The following REST variants were observed in gnomAD, a reference collection of about 807,000 sequenced individuals.
The protein encoded by REST is RE1-silencing transcription factor.
A neutral mutation model predicts 30.4 loss-of-function variants in REST; 1 was observed. The observed-to-expected ratio is 0.03, with a 90% CI of 0.01 to 0.16. The LOEUF is 0.16. Ranked by LOEUF, REST falls within the 10% of genes least tolerant of loss-of-function variation. The probability of loss-of-function intolerance (pLI) is 1.00; values close to 1 mark genes in which losing one functional copy is unlikely to be tolerated. For missense variants in REST, 1,259 were observed against 1,329.5 expected, an observed-to-expected ratio of 0.95 and a Z score of 0.82; for synonymous variants, 504 against 451.1, an observed-to-expected ratio of 1.12 and a Z score of -1.49.
At chr4:56,915,446 C>T (rs1720152146) in intron 2 of REST, among the ~76,000 whole-genome samples, 1 of 151,776 alleles carries the variant, frequency 6.6e-6, no homozygotes, top group South Asian at 2.1e-4. Flanking sequence ...GACAGCGTTT[C>T]ACCATGTTGG....
chr4:56,914,004 C>T (rs1720054859), intron 2 of REST, among the ~76,000 whole-genome samples: 1 of 151,634 alleles, frequency 6.6e-6, no homozygotes, highest in Admixed American at 6.6e-5. Context: ...GGCGAGATCA[C>T]TGCTCACTGC....
chr4:56,907,996 C>T lies in REST; in HGVS notation c.-227C>T, dbSNP rs1288685642. On this transcript the variant is annotated 5_prime_UTR_variant, in exon 1 of 4. Coordinates refer to ENST00000309042, the MANE Select transcript of REST (RefSeq NM_005612.5). The stretch of plus-strand genomic sequence containing the variant: ...CCGCCGAGGCCCGGGGCCCCAGACC[C>T]TGGCGGCGGCTGCCGCAGCCGAGAC... 1.9e-5 allele frequency: 7 copies of T among 370,508 alleles called. No homozygotes were observed. The Admixed American group carries it at 2.3e-4, about 12-fold the overall frequency. 23.0% of individuals were successfully genotyped at this position (370,508 alleles called of 1,614,324 possible).
Position 56,933,708 on chromosome 4 carries a change from A to C in REST, c.*1556A>C, listed in dbSNP as rs1444938813. 6.6e-6 allele frequency: 1 copy of C among 152,228 alleles called. No homozygotes were observed. Among genetic ancestry groups the C allele is most frequent in the Non-Finnish European group, 1.5e-5 (1 of 68,028 alleles). 9.4% of individuals were successfully genotyped at this position (152,228 alleles called of 1,614,324 possible). A position where few individuals can be genotyped will look rare whatever the true frequency, so the allele number is the denominator to read the frequency against. On this transcript the variant is annotated 3_prime_UTR_variant, in exon 4 of 4. Coordinates refer to ENST00000309042, the MANE Select transcript of REST (RefSeq NM_005612.5). Reference sequence around the variant, plus strand: ...AAACATTTTTGTAGGTTCTTTGGCCAGTTGCCAAAGAGTGTGAAAGAATCC... The same window carrying C: ...AAACATTTTTGTAGGTTCTTTGGCCCGTTGCCAAAGAGTGTGAAAGAATCC...
intron 3 of REST, among the ~76,000 whole-genome samples, chr4:56,925,930 CAG>C (rs529410475): frequency 8.5e-4 from 130 of 152,216 alleles, no homozygotes; most frequent in African/African-American, 2.9e-3. Flanking sequence ...CCTTATTCAT[CAG>C]AGTTATAAAA....
Position 56,911,126 on chromosome 4 carries a change from C to A in REST, c.488C>A (p.Pro163Gln). ...SSKTKPFRCK[P>Q]CQYEAESEEQ... ...AAGACCAAACCCTTTCGCTGTAAGC[C>A]ATGCCAATATGAAGCAGAATCTGAA... is the stretch of plus-strand genomic sequence containing the variant. The change falls in exon 2 of 4, where the codon CCA becomes CAA. Residue 163 changes from proline to glutamine, a missense_variant. This residue lies in a region of REST where 249 missense variants were observed against 251.5 expected (regional missense o/e 0.99). Transcript: ENST00000309042. The A allele has an allele frequency of 6.2e-7, 1 of 1,614,200 alleles. No individual in the cohort carries two copies.
At chr4:56,928,146 C>T (rs1271121391) in intron 3 of REST, among the ~76,000 whole-genome samples, 5 of 152,108 alleles carry the variant, frequency 3.3e-5, no homozygotes, top group East Asian at 3.9e-4. Context: ...TCGCTCTTGT[C>T]GCCCAGGCTG....
At chr4:56,917,355 C>T (rs539883664) in intron 2 of REST, among the ~76,000 whole-genome samples, 10 of 152,252 alleles carry the variant, frequency 6.6e-5, no homozygotes, top group South Asian at 4.1e-4. Flanking sequence ...GACAGGGTCT[C>T]GCTCTGTTGC....
chr4:56,922,071 T>C (rs1012066594), intron 3 of REST, among the ~76,000 whole-genome samples: 1 of 152,168 alleles, frequency 6.6e-6, no homozygotes, highest in Non-Finnish European at 1.5e-5. Context: ...TACGTGCTTG[T>C]CACGCTAATG....
intron 2 of REST, among the ~76,000 whole-genome samples, chr4:56,915,176 G>A (rs1233258005): frequency 2.0e-5 from 3 of 149,074 alleles, no homozygotes; most frequent in Non-Finnish European, 1.5e-5. Flanking sequence ...ACCCGCCGCG[G>A]CCTCCCAAAG....
intron 2 of REST, 176 bp downstream of exon 2, chr4:56,911,712 T>A: frequency 1.7e-6 from 1 of 597,698 alleles, no homozygotes; most frequent in Non-Finnish European, 3.0e-6. Context: ...CTCCATGGAG[T>A]AACAATATCT....
At chr4:56,920,952 G>A (rs995284244) in intron 3 of REST, among the ~76,000 whole-genome samples, 1 of 151,948 alleles carries the variant, frequency 6.6e-6, no homozygotes, top group Admixed American at 6.6e-5. Context: ...CGCAACCTCC[G>A]CTTCCCAGGT....
In REST at chr4:56,907,958, A is replaced by C. The variant is rs1381876836; in HGVS notation, c.-265A>C. 3.0e-6 allele frequency: 1 copy of C among 334,752 alleles called. No individual in the cohort carries two copies. Among genetic ancestry groups the C allele is most frequent in the Non-Finnish European group, 5.4e-6 (1 of 186,252 alleles). 20.7% of individuals were successfully genotyped at this position (334,752 alleles called of 1,614,324 possible). On this transcript the variant is annotated 5_prime_UTR_variant, in exon 1 of 4. Coordinates refer to ENST00000309042, the MANE Select transcript of REST (RefSeq NM_005612.5). The stretch of plus-strand genomic sequence containing the variant: ...GGCTGCCGCGAGCTCGCGGCGCAGC[A>C]GCGGAGCGAGCGCCGCCGAGGCCCG...
intron 3 of REST, among the ~76,000 whole-genome samples, chr4:56,922,989 T>C (rs1720524628): frequency 1.3e-5 from 2 of 152,262 alleles, no homozygotes; most frequent in African/African-American, 4.8e-5. Flanking sequence ...TTTAAATGTT[T>C]ATGGTGTTTT....
At chr4:56,915,566 A>C (rs1389788516) in intron 2 of REST, among the ~76,000 whole-genome samples, 3 of 152,116 alleles carry the variant, frequency 2.0e-5, no homozygotes, top group Non-Finnish European at 4.4e-5. Flanking sequence ...ATTTTAAAAC[A>C]ATTTGGTGAT....
At chr4:56,909,134 G>A (rs1285550262) in intron 1 of REST, 1 of 152,462 alleles carries the variant, frequency 6.6e-6, no homozygotes, top group Non-Finnish European at 1.5e-5. Context: ...ACAGCGCCTC[G>A]AGCTTGATCC....
Position 56,934,048 on chromosome 4 carries a change from T to C in REST, c.*1896T>C, listed in dbSNP as rs1405638523. On this transcript the variant is annotated 3_prime_UTR_variant, in exon 4 of 4. Transcript: ENST00000309042. ...GATTTAAAGAAGCGGAAGATTCTTCTCTTAAGACATGAGGAGTAAGTTGTG... is the reference window on the plus strand; with the variant it reads ...GATTTAAAGAAGCGGAAGATTCTTCCCTTAAGACATGAGGAGTAAGTTGTG... 1.3e-5 allele frequency: 2 copies of C among 152,118 alleles called. No individual in the cohort carries two copies. The highest frequency in any genetic ancestry group is 4.8e-5 in the African/African-American group (2 of 41,428). The allele number at this position is 152,118 out of a possible 1,614,324, so 9.4% of individuals were successfully genotyped here. A position where few individuals can be genotyped will look rare whatever the true frequency, so the allele number is the denominator to read the frequency against.
At chr4:56,924,832 T>C (rs1720610390) in intron 3 of REST, among the ~76,000 whole-genome samples, 1 of 152,184 alleles carries the variant, frequency 6.6e-6, no homozygotes, top group Non-Finnish European at 1.5e-5. Flanking sequence ...ATTTTATTGC[T>C]GGTAATGTAT....
At position 56,930,400 on chromosome 4, in the gene REST, T is replaced by G. The variant is rs748046758; in HGVS notation, c.1542T>G (p.Ser514Arg). ...VHTGSNSEKF[S>R]KTKKSKRKLE... ...CAGGAAGCAATTCAGAAAAATTCAG[T>G]AAAACTAAGAAAAGCAAAAGGAAGC... The change falls in exon 4 of 4, where the codon AGT becomes AGG. Residue 514 changes from serine to arginine, a missense_variant. Around this residue, in one of 5 missense-constraint regions of REST, gnomAD observed 856 missense variants for 772.8 expected, o/e 1.11. Transcript: ENST00000309042. 10 of 1,613,486 alleles carry G rather than the reference T, an allele frequency of 6.2e-6. No individual in the cohort carries two copies. Among genetic ancestry groups the G allele is most frequent in the Non-Finnish European group, 8.5e-6 (10 of 1,179,924 alleles).
At chr4:56,914,653 A>G (rs1362534914) in intron 2 of REST, among the ~76,000 whole-genome samples, 1 of 152,166 alleles carries the variant, frequency 6.6e-6, no homozygotes, top group Admixed American at 6.5e-5. Context: ...ATATATACTA[A>G]ACTCATAAAT....
Sources: gnomAD v4.1 joint callset for allele counts (sites outside exome capture counted in the v4.1 genomes callset) on GRCh38, gnomAD v4.1.1 for gene constraint, gnomAD v4.1.1 regional missense constraint, MANE v1.5 for transcripts, NCBI Gene and HGNC (gene_info 2026-07-23, HGNC 2026-07-21) for gene names.